The following AKAP19 variants were observed in gnomAD, a reference collection of about 807,000 sequenced individuals.
The protein encoded by AKAP19 is small A-kinase anchoring protein.
chr2:189,919,340 G>A, the AKAP19 span, among the ~76,000 whole-genome samples: 1 of 152,132 alleles, frequency 6.6e-6, no homozygotes, highest in South Asian at 2.1e-4. Context: ...CAACAGTATA[G>A]TGGATGTACC....
At chr2:190,176,320 A>G in the AKAP19 span, among the ~76,000 whole-genome samples, 1 of 152,214 alleles carries the variant, frequency 6.6e-6, no homozygotes, top group Admixed American at 6.5e-5. The surrounding 1 kb of genome is among the most constrained non-coding windows in gnomAD (Gnocchi z 4.7). Context: ...AAAATAGTTC[A>G]GGAAAAGTTT....
the AKAP19 span, among the ~76,000 whole-genome samples, chr2:190,163,306 C>T: frequency 4.6e-5 from 7 of 151,822 alleles, no homozygotes; most frequent in East Asian, 1.2e-3. Context: ...TGTTGGCGGG[C>T]GCCTGTAGTC....
the AKAP19 span, among the ~76,000 whole-genome samples, chr2:190,084,045 CT>C: frequency 6.6e-6 from 1 of 151,548 alleles, no homozygotes; most frequent in Non-Finnish European, 1.5e-5. Flanking sequence ...GCACAAAGCC[CT>C]ACCCCCAGAG....
chr2:190,120,883 T>G, the AKAP19 span, among the ~76,000 whole-genome samples: 7 of 152,146 alleles, frequency 4.6e-5, no homozygotes, highest in Non-Finnish European at 8.8e-5. Context: ...ACAGGATTGT[T>G]GGGCAGATTA....
At chr2:189,976,466 C>T in the AKAP19 span, among the ~76,000 whole-genome samples, 4 of 152,314 alleles carry the variant, frequency 2.6e-5, no homozygotes, top group Non-Finnish European at 4.4e-5. Context: ...CTCAGATCTC[C>T]AGCTGCGTGC....
chr2:189,919,452 T>C, the AKAP19 span, among the ~76,000 whole-genome samples: 3 of 151,764 alleles, frequency 2.0e-5, no homozygotes, highest in African/African-American at 7.3e-5. Flanking sequence ...ACAGGATACA[T>C]GTGCAGAACG....
the AKAP19 span, among the ~76,000 whole-genome samples, chr2:190,184,304 A>T: frequency 2.0e-5 from 3 of 152,210 alleles, no homozygotes. Flanking sequence ...TCAACACTGC[A>T]TTGGCCCAAC....
the AKAP19 span, among the ~76,000 whole-genome samples, chr2:189,968,348 T>C: frequency 6.6e-6 from 1 of 152,122 alleles, no homozygotes; most frequent in African/African-American, 2.4e-5. Flanking sequence ...GGCAATCCTC[T>C]TGCCTCAGTC....
the AKAP19 span, among the ~76,000 whole-genome samples, chr2:190,157,171 CTG>C: frequency 5.3e-5 from 8 of 152,232 alleles, no homozygotes; most frequent in East Asian, 1.5e-3. Context: ...GGGTAGGAAA[CTG>C]AAGCACAGAG....
At chr2:189,950,334 G>GTTT in the AKAP19 span, among the ~76,000 whole-genome samples, 13 of 137,528 alleles carry the variant, frequency 9.5e-5, no homozygotes, top group African/African-American at 1.2e-4. Context: ...AGCCTTTTTT[G>GTTT]TTTTTTTTTT....
chr2:190,061,244 T>A, the AKAP19 span, among the ~76,000 whole-genome samples: 1 of 152,046 alleles, frequency 6.6e-6, no homozygotes, highest in South Asian at 2.1e-4. Flanking sequence ...TGGAGTCTTG[T>A]TTAAAGTATA....
At chr2:190,009,687 G>A in the AKAP19 span, among the ~76,000 whole-genome samples, 1 of 152,142 alleles carries the variant, frequency 6.6e-6, no homozygotes, top group African/African-American at 2.4e-5. Flanking sequence ...GTATAAGCTG[G>A]CAATTTAAAT....
the AKAP19 span, chr2:189,923,186 A>C: frequency 1.4e-6 from 1 of 691,344 alleles, no homozygotes; most frequent in East Asian, 2.7e-5. Flanking sequence ...TTGTGAAGAG[A>C]CGAAGACTGA....
chr2:189,906,457 A>G, the AKAP19 span, among the ~76,000 whole-genome samples: 1 of 152,050 alleles, frequency 6.6e-6, no homozygotes. Flanking sequence ...TCTTTCTTCC[A>G]GAAAGTAGGA....
chr2:190,049,225 G>GA, the AKAP19 span, among the ~76,000 whole-genome samples: 118 of 149,384 alleles, frequency 7.9e-4, 1 homozygote, highest in Non-Finnish European at 4.0e-4. Flanking sequence ...CAACCTAATA[G>GA]AAAAAAAAAT....
At chr2:189,999,924 G>A in the AKAP19 span, among the ~76,000 whole-genome samples, 5 of 152,162 alleles carry the variant, frequency 3.3e-5, no homozygotes, top group African/African-American at 7.2e-5. Flanking sequence ...GTTATATTCC[G>A]AGTTTGGGGC....
At chr2:190,071,770 A>G in the AKAP19 span, among the ~76,000 whole-genome samples, 1 of 152,178 alleles carries the variant, frequency 6.6e-6, no homozygotes, top group African/African-American at 2.4e-5. Context: ...TGGGTTTATA[A>G]TGTACACAAG....
the AKAP19 span, among the ~76,000 whole-genome samples, chr2:189,896,110 G>A: frequency 6.6e-6 from 1 of 151,672 alleles, no homozygotes; most frequent in African/African-American, 2.4e-5. Context: ...AGTTTCTTTA[G>A]AAGAACTTGA....
chr2:189,902,948 A>G, the AKAP19 span, among the ~76,000 whole-genome samples: 1 of 151,618 alleles, frequency 6.6e-6, no homozygotes, highest in African/African-American at 2.4e-5. Context: ...GAGATAAACT[A>G]CAGAGGAAAA....
Sources: allele counts gnomAD v4.1 joint callset (sites outside exome capture counted in the v4.1 genomes callset), GRCh38; gene constraint gnomAD v4.1.1; non-coding constraint Gnocchi (gnomAD v3.1); transcripts MANE v1.5; gene names NCBI Gene and HGNC (gene_info 2026-07-23, HGNC 2026-07-21).